SAMMSON: variants seen among roughly 807,000 people sequenced by gnomAD.
The protein encoded by SAMMSON is survival associated mitochondrial melanoma specific oncogenic non-coding RNA, also known as long intergenic non-protein coding RNA 1212.
intron 2 of SAMMSON, among the ~76,000 whole-genome samples, chr3:70,404,989 C>T (rs148016234): frequency 0.015 from 2,307 of 152,216 alleles, 30 homozygotes; most frequent in Non-Finnish European, 0.026. Flanking sequence ...ATGAGGCCAG[C>T]AAAACCAAAA....
intron 4 of SAMMSON, among the ~76,000 whole-genome samples, chr3:70,180,025 T>C (rs1478199034): frequency 3.3e-5 from 5 of 150,354 alleles, no homozygotes; most frequent in African/African-American, 1.2e-4. Context: ...TGTGTGTGTG[T>C]GTGCGCGCAC....
intron 7 of SAMMSON, among the ~76,000 whole-genome samples, chr3:70,333,749 G>A (rs1702642238): frequency 6.6e-6 from 1 of 152,122 alleles, no homozygotes. Flanking sequence ...CCTTTATCAT[G>A]TCTTAGTCCT....
At chr3:70,080,315 A>G (rs1454670470) in intron 4 of SAMMSON, among the ~76,000 whole-genome samples, 2 of 152,148 alleles carry the variant, frequency 1.3e-5, no homozygotes, top group South Asian at 4.1e-4. Context: ...GATAAATCAC[A>G]TGCACTTGAA....
At chr3:70,028,173 TC>T (rs1576101664) in intron 3 of SAMMSON, among the ~76,000 whole-genome samples, 4 of 147,696 alleles carry the variant, frequency 2.7e-5, no homozygotes, top group South Asian at 2.2e-4. Flanking sequence ...CTTCCTTCCT[TC>T]CTTCCTTCCT....
chr3:70,246,172 T>G (rs1701706962), intron 4 of SAMMSON, among the ~76,000 whole-genome samples: 1 of 152,062 alleles, frequency 6.6e-6, no homozygotes, highest in Non-Finnish European at 1.5e-5. Flanking sequence ...CATAAAGTAT[T>G]GACAGCCGTA....
At chr3:70,323,702 G>A (rs555931617) in intron 7 of SAMMSON, among the ~76,000 whole-genome samples, 1 of 152,268 alleles carries the variant, frequency 6.6e-6, no homozygotes, top group African/African-American at 2.4e-5. Flanking sequence ...ACATTGGGAA[G>A]AAGATTGGGG....
chr3:70,344,226 A>C (rs921499722), intron 7 of SAMMSON, among the ~76,000 whole-genome samples: 1 of 152,066 alleles, frequency 6.6e-6, no homozygotes, highest in Non-Finnish European at 1.5e-5. Flanking sequence ...CCTATCCCAT[A>C]CCTGTATAAA....
intron 3 of SAMMSON, among the ~76,000 whole-genome samples, chr3:70,046,395 C>T (rs1195293482): frequency 3.3e-5 from 5 of 152,068 alleles, no homozygotes; most frequent in African/African-American, 9.7e-5. Context: ...TCATTTTAAT[C>T]CATGAATGCT....
At chr3:70,354,329 T>G (rs990373500) in intron 8 of SAMMSON, 2 of 152,064 alleles carry the variant, frequency 1.3e-5, no homozygotes, top group African/African-American at 4.8e-5. Flanking sequence ...TGTTCTATAC[T>G]CAAACTTTAG....
intron 4 of SAMMSON, among the ~76,000 whole-genome samples, chr3:70,086,376 G>A (rs1020440604): frequency 2.6e-5 from 4 of 152,154 alleles, no homozygotes; most frequent in African/African-American, 9.7e-5. Flanking sequence ...ATTTTCAAAG[G>A]GATCTATTAC....
intron 7 of SAMMSON, among the ~76,000 whole-genome samples, chr3:70,347,545 T>G (rs1702760753): frequency 6.6e-6 from 1 of 152,232 alleles, no homozygotes; most frequent in Non-Finnish European, 1.5e-5. Flanking sequence ...CTAATTTTTC[T>G]GCTCCTCTCA....
At chr3:70,229,254 C>A (rs1359288874) in intron 4 of SAMMSON, among the ~76,000 whole-genome samples, 2 of 152,050 alleles carry the variant, frequency 1.3e-5, no homozygotes, top group Admixed American at 6.6e-5. Flanking sequence ...CAGAGATAGC[C>A]AAGGAGGGTG....
intron 4 of SAMMSON, among the ~76,000 whole-genome samples, chr3:70,210,492 T>C (rs1029634377): frequency 5.3e-5 from 8 of 152,132 alleles, no homozygotes; most frequent in Middle Eastern, 3.2e-3. Flanking sequence ...TTCCATCTTT[T>C]ATAGATGATG....
chr3:70,140,926 T>C (rs558042472), intron 4 of SAMMSON, among the ~76,000 whole-genome samples: 63 of 152,342 alleles, frequency 4.1e-4, no homozygotes, highest in African/African-American at 1.3e-3. Context: ...TGTAAGAAGA[T>C]TGAGGTTTTC....
chr3:70,419,887 C>G lies in SAMMSON; in HGVS notation n.234-42673C>G, dbSNP rs189725122. ...TCTCCTGACCTCGTGATCTTCCTGC[C>G]TTGGCCTCCCAAAGTGCTGGGATTA... On this transcript the variant is annotated intron_variant and non_coding_transcript_variant, in intron 2 of 3. Coordinates refer to the SAMMSON transcript ENST00000641053. Among the ~76,000 whole-genome samples, 437 of 152,330 alleles carry G rather than the reference C, an allele frequency of 2.9e-3. 1 individual carries two copies. The highest frequency in any genetic ancestry group is 9.5e-3 in the African/African-American group (396 of 41,574).
chr3:70,111,325 G>C (rs1316127189), intron 4 of SAMMSON, among the ~76,000 whole-genome samples: 1 of 152,242 alleles, frequency 6.6e-6, no homozygotes, highest in South Asian at 2.1e-4. Context: ...AAATACTCAA[G>C]TGATTTATAA....
intron 4 of SAMMSON, chr3:70,126,181 G>T (rs1165241040): frequency 2.6e-6 from 3 of 1,153,316 alleles, no homozygotes; most frequent in African/African-American, 1.5e-5. Context: ...CCCATGGTTT[G>T]GTGTAATTAC....
At chr3:70,164,523 C>T (rs183711182) in intron 4 of SAMMSON, among the ~76,000 whole-genome samples, 1 of 152,134 alleles carries the variant, frequency 6.6e-6, no homozygotes, top group Admixed American at 6.6e-5. Context: ...CTGGTTAGAT[C>T]ATTTGAAGAC....
chr3:70,223,532 A>G (rs1234056158), intron 4 of SAMMSON, among the ~76,000 whole-genome samples: 1 of 152,146 alleles, frequency 6.6e-6, no homozygotes, highest in African/African-American at 2.4e-5. Flanking sequence ...CAGTGCCTCA[A>G]TTTGGAAAGG....
Sources: allele counts gnomAD v4.1 joint callset (sites outside exome capture counted in the v4.1 genomes callset), GRCh38; gene constraint gnomAD v4.1.1; transcripts MANE v1.5; gene names NCBI Gene and HGNC (gene_info 2026-07-23, HGNC 2026-07-21).